CCDC178: variants seen among roughly 807,000 people sequenced by gnomAD.
CCDC178 encodes coiled-coil domain-containing protein 178.
CCDC178 carries 126 observed loss-of-function variants against 117.4 expected under a neutral mutation model. The observed-to-expected ratio is 1.07, with a 90% CI of 0.93 to 1.24. CCDC178 has a LOEUF of 1.24. Among genes scored for constraint, CCDC178 ranks in the 50% most tolerant of loss-of-function variants. CCDC178 has a pLI of 0.00. For missense variants in CCDC178, 1,030 were observed against 986.9 expected, an observed-to-expected ratio of 1.04 and a Z score of -0.59; for synonymous variants, 283 against 313.4, an observed-to-expected ratio of 0.90 and a Z score of 1.02.
intron 21 of CCDC178, among the ~76,000 whole-genome samples, chr18:33,016,575 G>A (rs941540905): frequency 2.6e-5 from 4 of 151,844 alleles, no homozygotes; most frequent in African/African-American, 7.3e-5. Flanking sequence ...TTTTGTTGCT[G>A]GGCTTATAAT....
At chr18:33,416,620 C>G (rs1020272155) in intron 2 of CCDC178, among the ~76,000 whole-genome samples, 1 of 152,120 alleles carries the variant, frequency 6.6e-6, no homozygotes, top group Admixed American at 6.5e-5. Context: ...CTCTCCAACT[C>G]TCCCAGCACC....
chr18:33,323,673 G>A (rs766990687), intron 10 of CCDC178, 40 bp from the exon 11 acceptor site: 3 of 1,253,114 alleles, frequency 2.4e-6, no homozygotes, highest in Non-Finnish European at 2.1e-6. Flanking sequence ...TGCACTTAAT[G>A]GTTAATTAAA....
Position 33,348,941 on chromosome 18 carries a change from C to T in CCDC178, c.406G>A (p.Asp136Asn). ...RTSSTKDLKE[D>N]WSVTTPVKEV... Reference sequence around the variant, plus strand: ...TTCACTGGTGTAGTTACACTCCAATCTTCTTTCAGGTCTTTTGTGGAAGAA... The same window carrying T: ...TTCACTGGTGTAGTTACACTCCAATTTTCTTTCAGGTCTTTTGTGGAAGAA... Residue 136 changes from aspartate (D) to asparagine (N), a missense_variant, in exon 8 of 23, where the codon GAT becomes AAT. By Grantham distance (23) the Asp-to-Asn change is conservative. Transcript: ENST00000383096. 6.2e-7 allele frequency: 1 copy of T among 1,610,036 alleles called. No homozygotes were observed. The highest frequency in any genetic ancestry group is 1.1e-5 in the South Asian group (1 of 90,672).
chr18:33,306,845 T>C (rs1229538984), intron 11 of CCDC178, among the ~76,000 whole-genome samples: 5 of 152,044 alleles, frequency 3.3e-5, no homozygotes, highest in African/African-American at 4.8e-5. Context: ...GTTTCCTTCA[T>C]GATATTCTCA....
chr18:33,356,854 C>G (rs994905866), intron 6 of CCDC178, among the ~76,000 whole-genome samples: 1 of 152,070 alleles, frequency 6.6e-6, no homozygotes, highest in Non-Finnish European at 1.5e-5. Flanking sequence ...TCTCTTGTGG[C>G]AGAAGTTTGC....
intron 20 of CCDC178, among the ~76,000 whole-genome samples, chr18:33,185,716 G>T (rs563818109): frequency 5.3e-5 from 8 of 152,106 alleles, no homozygotes; most frequent in African/African-American, 1.7e-4. Context: ...TTCTGATTTG[G>T]TACCACTTAA....
chr18:33,298,702 T>C (rs1202043438), intron 11 of CCDC178, among the ~76,000 whole-genome samples: 1 of 152,150 alleles, frequency 6.6e-6, no homozygotes, highest in Non-Finnish European at 1.5e-5. Flanking sequence ...TTGTCCGTCT[T>C]TGTAGATGAC....
intron 12 of CCDC178, among the ~76,000 whole-genome samples, chr18:33,279,333 C>T (rs1412062170): frequency 2.0e-5 from 3 of 151,872 alleles, no homozygotes; most frequent in South Asian, 2.1e-4. Flanking sequence ...AGAGCCAAAT[C>T]ATGAGTGAAC....
chr18:33,086,421 T>C (rs1191799861), intron 21 of CCDC178, among the ~76,000 whole-genome samples: 2 of 149,622 alleles, frequency 1.3e-5, no homozygotes, highest in African/African-American at 2.5e-5. Flanking sequence ...TATATAAATA[T>C]ATATACACAC....
intron 15 of CCDC178, among the ~76,000 whole-genome samples, chr18:33,241,473 G>GT (rs1172821291): frequency 1.3e-5 from 2 of 149,182 alleles, no homozygotes; most frequent in African/African-American, 4.9e-5. Flanking sequence ...TGTGTGTAGA[G>GT]AGAGACTCTA....
intron 15 of CCDC178, among the ~76,000 whole-genome samples, chr18:33,231,928 G>T (rs2059372981): frequency 6.6e-6 from 1 of 152,154 alleles, no homozygotes; most frequent in Non-Finnish European, 1.5e-5. Context: ...TCCAGGCACT[G>T]GCTGCTGCCT....
intron 12 of CCDC178, among the ~76,000 whole-genome samples, chr18:33,267,965 A>G (rs1023926117): frequency 6.6e-6 from 1 of 151,588 alleles, no homozygotes; most frequent in African/African-American, 2.4e-5. Flanking sequence ...TTGGGAAAAA[A>G]TTTGACAAAA....
At chr18:32,951,949 A>C (rs933391789) in intron 22 of CCDC178, among the ~76,000 whole-genome samples, 33 of 152,314 alleles carry the variant, frequency 2.2e-4, no homozygotes, top group African/African-American at 7.7e-4. Context: ...ATTAAACCTT[A>C]AAGTTTCAAA....
chr18:33,227,345 C>A (rs1168635968), intron 15 of CCDC178, among the ~76,000 whole-genome samples: 1 of 148,578 alleles, frequency 6.7e-6, no homozygotes, highest in Non-Finnish European at 1.5e-5. Context: ...TTGGAAAAAT[C>A]TTTTCTTTGC....
chr18:33,367,127 C>A (rs2063219882), intron 6 of CCDC178, among the ~76,000 whole-genome samples: 1 of 151,916 alleles, frequency 6.6e-6, no homozygotes, highest in Non-Finnish European at 1.5e-5. Flanking sequence ...TTTGTGGGTA[C>A]ATAGTAGGTG....
At chr18:33,323,302 C>T (rs2062539300) in intron 11 of CCDC178, 189 bp downstream of exon 11, 2 of 337,622 alleles carry the variant, frequency 5.9e-6, no homozygotes, top group Non-Finnish European at 1.0e-5. Flanking sequence ...GATTTATGCA[C>T]AAATAATTTT....
intron 3 of CCDC178, among the ~76,000 whole-genome samples, chr18:33,401,152 A>G (rs1384525698): frequency 1.3e-5 from 2 of 152,198 alleles, no homozygotes; most frequent in African/African-American, 2.4e-5. Flanking sequence ...AACAACAAAT[A>G]CCACTGATCA....
In CCDC178 at chr18:33,211,934, G is replaced by A. The variant is rs1330580122; in HGVS notation, c.2200C>T (p.Leu734Phe). The A allele has an allele frequency of 3.1e-6, 5 of 1,608,162 alleles. No homozygotes were observed. The highest frequency in any genetic ancestry group is 4.2e-6 in the Non-Finnish European group (5 of 1,177,658). Residue 734 changes from leucine (L) to phenylalanine (F), a missense_variant, in exon 20 of 23, where the codon CTC becomes TTC. Transcript: ENST00000383096. ...AGAGTTTTTTGTCTTACAGCAAGGA[G>A]CACTCTAAATCTCTGATCTTCCTCA... is the stretch of plus-strand genomic sequence containing the variant. ...IFEEDQRFRVLLAVRQKTLQD... is the reference protein window; with the variant it reads ...IFEEDQRFRVFLAVRQKTLQD...
intron 20 of CCDC178, among the ~76,000 whole-genome samples, chr18:33,117,722 TAA>T (rs113708321): frequency 3.5e-5 from 5 of 144,032 alleles, no homozygotes; most frequent in African/African-American, 1.3e-4. Context: ...AAAGTATAAT[TAA>T]AAAAAAAAAA....
Sources: gnomAD v4.1 joint callset for allele counts (sites outside exome capture counted in the v4.1 genomes callset) on GRCh38, gnomAD v4.1.1 for gene constraint, MANE v1.5 for transcripts, NCBI Gene and HGNC (gene_info 2026-07-23, HGNC 2026-07-21) for gene names.